Variants in FBN1 observed in about 807,000 individuals in gnomAD.
FBN1 encodes fibrillin 1.
FBN1 carries 29 observed loss-of-function variants against 365.1 expected under a neutral mutation model. That is an observed-to-expected ratio of 0.08 (90% CI 0.06 to 0.11). The LOEUF is 0.11. Ranked by LOEUF, FBN1 falls within the 10% of genes least tolerant of loss-of-function variation. The pLI is 1.00. For synonymous variants in FBN1, 1,210 were observed against 1,270.5 expected, an observed-to-expected ratio of 0.95 and a Z score of 1.01; for missense variants, 2,476 against 3,703.2, an observed-to-expected ratio of 0.67 and a Z score of 8.60.
chr15:48,465,101 A>G (rs1381694572), intron 40 of FBN1, among the ~76,000 whole-genome samples: 2 of 152,224 alleles, frequency 1.3e-5, no homozygotes, highest in Non-Finnish European at 2.9e-5. Context: ...ACACAGGATG[A>G]ACAAGGGCCA....
At chr15:48,569,584 G>C (rs2044289808) in intron 6 of FBN1, among the ~76,000 whole-genome samples, 3 of 152,018 alleles carry the variant, frequency 2.0e-5, no homozygotes, top group Admixed American at 2.0e-4. Flanking sequence ...CCATCAGCTG[G>C]TGAATGTATG....
intron 2 of FBN1, among the ~76,000 whole-genome samples, chr15:48,633,110 A>G (rs955365506): frequency 6.6e-6 from 1 of 152,224 alleles, no homozygotes; most frequent in Non-Finnish European, 1.5e-5. Context: ...GAATCATTGG[A>G]AAAAAAGATA....
chr15:48,494,096 C>G, intron 23 of FBN1, 108 bp downstream of exon 23: 3 of 848,392 alleles, frequency 3.5e-6, no homozygotes, highest in Non-Finnish European at 6.0e-6. Flanking sequence ...TTTTTCTCTG[C>G]TGCATATTTC....
intron 6 of FBN1, among the ~76,000 whole-genome samples, chr15:48,586,269 T>C (rs1269297665): frequency 2.0e-5 from 3 of 149,582 alleles, no homozygotes; most frequent in Non-Finnish European, 4.4e-5. Context: ...AACTGAAATG[T>C]GGGTGGGGTC....
At chr15:48,548,122 A>G (rs2044111820) in intron 6 of FBN1, among the ~76,000 whole-genome samples, 1 of 152,200 alleles carries the variant, frequency 6.6e-6, no homozygotes, top group Admixed American at 6.5e-5. Context: ...TTAGACACCA[A>G]CAACTAAGGC....
At chr15:48,469,156 C>CATATATATATATAAA (rs1450895112) in intron 36 of FBN1, among the ~76,000 whole-genome samples, 1 of 107,862 alleles carries the variant, frequency 9.3e-6, no homozygotes. Context: ...ATATATATAA[C>CATATATATATATAAA]TTTGGCACTA....
At chr15:48,626,574 C>G (rs1035745966) in intron 2 of FBN1, among the ~76,000 whole-genome samples, 3 of 151,862 alleles carry the variant, frequency 2.0e-5, no homozygotes, top group Non-Finnish European at 4.4e-5. Flanking sequence ...TGCTCAGGAA[C>G]AAAAATAAAT....
intron 6 of FBN1, among the ~76,000 whole-genome samples, chr15:48,552,881 C>T (rs1338791030): frequency 6.6e-6 from 1 of 152,128 alleles, no homozygotes; most frequent in African/African-American, 2.4e-5. Context: ...TACCCAAATG[C>T]AAATGAGAAT....
intron 17 of FBN1, among the ~76,000 whole-genome samples, chr15:48,501,524 G>T (rs763685066): frequency 6.6e-6 from 1 of 152,172 alleles, no homozygotes; most frequent in Non-Finnish European, 1.5e-5. Context: ...TTCTGTTACT[G>T]CAACAAAAAC....
intron 2 of FBN1, among the ~76,000 whole-genome samples, chr15:48,626,510 A>T (rs1332946559): frequency 6.6e-6 from 1 of 152,208 alleles, no homozygotes; most frequent in Non-Finnish European, 1.5e-5. Flanking sequence ...CAGGCCATGG[A>T]TCTTTAAAAC....
intron 32 of FBN1, among the ~76,000 whole-genome samples, chr15:48,481,112 A>G (rs1198616044): frequency 6.6e-6 from 1 of 152,202 alleles, no homozygotes; most frequent in African/African-American, 2.4e-5. Flanking sequence ...TTTCATTATC[A>G]CTTCATAAGA....
intron 6 of FBN1, among the ~76,000 whole-genome samples, chr15:48,544,990 C>G (rs1249634613): frequency 6.6e-6 from 1 of 152,218 alleles, no homozygotes; most frequent in Non-Finnish European, 1.5e-5. Flanking sequence ...CCAGTTGGCT[C>G]TGATTCATTC....
At chr15:48,582,767 A>C (rs1387157374) in intron 6 of FBN1, among the ~76,000 whole-genome samples, 1 of 152,210 alleles carries the variant, frequency 6.6e-6, no homozygotes, top group Non-Finnish European at 1.5e-5. Flanking sequence ...GTTCCAGTTC[A>C]TTAACGTTTC....
intron 7 of FBN1, among the ~76,000 whole-genome samples, chr15:48,535,274 C>T (rs1320594856): frequency 2.0e-5 from 3 of 152,286 alleles, no homozygotes; most frequent in East Asian, 3.9e-4. Flanking sequence ...CTAATACATG[C>T]CTGTTTGTTT....
chr15:48,574,504 C>T (rs1413482708), intron 6 of FBN1, among the ~76,000 whole-genome samples: 2 of 150,904 alleles, frequency 1.3e-5, no homozygotes, highest in Non-Finnish European at 1.5e-5. Context: ...TTCCTAAAGG[C>T]AGTAGGAAGT....
At chr15:48,566,593 A>T (rs1162473016) in intron 6 of FBN1, among the ~76,000 whole-genome samples, 1 of 152,236 alleles carries the variant, frequency 6.6e-6, no homozygotes, top group East Asian at 1.9e-4. Flanking sequence ...TTGTAGCATA[A>T]AACTTTGGGT....
intron 61 of FBN1, 86 bp from the exon 62 acceptor site, chr15:48,421,772 C>T (rs758799637): frequency 3.2e-5 from 48 of 1,514,056 alleles, no homozygotes; most frequent in Non-Finnish European, 3.9e-5. Flanking sequence ...AAGGATAACT[C>T]GGAAAAGGCC....
chr15:48,436,014 A>G (rs890173112), intron 53 of FBN1, among the ~76,000 whole-genome samples: 3 of 152,090 alleles, frequency 2.0e-5, no homozygotes, highest in African/African-American at 4.8e-5. Context: ...TAAAGGCAAG[A>G]GGCTATGGTG....
At position 48,434,638 on chromosome 15, in the gene FBN1, G is replaced by T; in HGVS notation, c.6572C>A (p.Thr2191Asn). 6.2e-7 allele frequency: 1 copy of T among 1,613,758 alleles called. No homozygotes were observed. Among genetic ancestry groups the T allele is most frequent in the Non-Finnish European group, 8.5e-7 (1 of 1,179,784 alleles). The change falls in exon 54 of 66, where the codon ACC (threonine) becomes AAC (asparagine). Residue 2191 changes from threonine (T) to asparagine (N), a missense_variant. By Grantham distance (65) the Thr-to-Asn change is moderately conservative. Coordinates refer to ENST00000316623, the MANE Select transcript of FBN1 (RefSeq NM_000138.5). ...ACCGGGCTCAAATCCCTCCTCGCAG[G>T]TGCATTCAAAACCTCCAATCACATT... ...CKNVIGGFEC[T>N]CEEGFEPGPM... is the part of the protein sequence containing the mutation.
Sources: allele counts gnomAD v4.1 joint callset (sites outside exome capture counted in the v4.1 genomes callset), GRCh38; gene constraint gnomAD v4.1.1; transcripts MANE v1.5; gene names NCBI Gene and HGNC (gene_info 2026-07-23, HGNC 2026-07-21).